Variants in WDR12 observed in about 807,000 individuals in gnomAD.
The protein encoded by WDR12 is WD repeat domain 12.
A neutral mutation model predicts 64.3 loss-of-function variants in WDR12; 42 were observed. The observed-to-expected ratio is 0.65, with a 90% CI of 0.51 to 0.84. The LOEUF (loss-of-function observed/expected upper bound fraction) is 0.84. Among genes scored for constraint, WDR12 ranks in the 40% least tolerant of loss-of-function variants. The pLI, the probability that WDR12 is intolerant of heterozygous loss-of-function variation, is 0.00. For missense variants in WDR12, 469 were observed against 494.6 expected, an observed-to-expected ratio of 0.95 and a Z score of 0.49; for synonymous variants, 158 against 173.3, an observed-to-expected ratio of 0.91 and a Z score of 0.70.
At chr2:202,906,739 C>G (rs1234101599) in intron 2 of WDR12, among the ~76,000 whole-genome samples, 1 of 152,160 alleles carries the variant, frequency 6.6e-6, no homozygotes, top group Admixed American at 6.5e-5. Flanking sequence ...TAGCGGGCAC[C>G]TGTAATTCCA....
chr2:202,899,032 G>GTTTTTTTTTTTTTT (rs779419072), intron 4 of WDR12, among the ~76,000 whole-genome samples: 3 of 73,652 alleles, frequency 4.1e-5, no homozygotes, highest in African/African-American at 1.6e-4. Context: ...AATACCTGTG[G>GTTTTTTTTTTTTTT]TTTTTTTTTT....
intron 8 of WDR12, among the ~76,000 whole-genome samples, chr2:202,885,872 C>G (rs936848623): frequency 2.6e-5 from 4 of 152,168 alleles, no homozygotes; most frequent in African/African-American, 9.6e-5. Context: ...ACAGCCTAGG[C>G]AACATAGTAA....
At chr2:202,898,626 G>A (rs1353048701) in intron 4 of WDR12, among the ~76,000 whole-genome samples, 1 of 152,180 alleles carries the variant, frequency 6.6e-6, no homozygotes, top group Non-Finnish European at 1.5e-5. Context: ...TTTGCCCTAA[G>A]ATATCTGTAC....
chr2:202,883,705 G>A lies in WDR12; in HGVS notation c.1025C>T (p.Thr342Ile). ...SLVSLSLTSH[T>I]GWVTSVKWSP... is the part of the protein sequence containing the mutation. ...CCATTTTACTGATGTCACCCAACCA[G>A]TATGTGACGTTAGGGACAGCGACAC... Residue 342 changes from threonine to isoleucine, a missense_variant, in exon 11 of 13, where the codon ACT (threonine) becomes ATT (isoleucine). Coordinates refer to ENST00000261015, the MANE Select transcript of WDR12 (RefSeq NM_018256.4). 1 of 1,613,938 alleles carries A rather than the reference G, an allele frequency of 6.2e-7. No individual in the cohort carries two copies. The highest frequency in any genetic ancestry group is 8.5e-7 in the Non-Finnish European group (1 of 1,179,866).
chr2:202,904,212 A>C (rs1688413205), intron 2 of WDR12, among the ~76,000 whole-genome samples: 1 of 151,706 alleles, frequency 6.6e-6, no homozygotes, highest in Non-Finnish European at 1.5e-5. Flanking sequence ...AAAAAATGGA[A>C]AGATATTCCA....
rs981019156 is a variant in WDR12, at chr2:202,878,141, T to C, written c.*2719A>G. On this transcript the variant is annotated 3_prime_UTR_variant, in exon 13 of 13. Coordinates refer to ENST00000261015, the MANE Select transcript of WDR12 (RefSeq NM_018256.4). ...CAAGGAAGAATGCCTGAACTATGAATGTATTCTGCTGTGGAACCAGGATTG... is the reference window on the plus strand; with the variant it reads ...CAAGGAAGAATGCCTGAACTATGAACGTATTCTGCTGTGGAACCAGGATTG... 6.6e-6 allele frequency: 1 copy of C among 152,186 alleles called. No homozygotes were observed. The highest frequency in any genetic ancestry group is 6.5e-5 in the Admixed American group (1 of 15,280). The allele number at this position is 152,186 out of a possible 1,614,324, so 9.4% of individuals were successfully genotyped here.
chr2:202,884,753 C>A (rs1245021879), intron 8 of WDR12, among the ~76,000 whole-genome samples: 1 of 152,202 alleles, frequency 6.6e-6, no homozygotes, highest in Admixed American at 6.5e-5. Flanking sequence ...GGTCATAGAG[C>A]TTATAAGTGG....
chr2:202,893,754 C>T (rs559829807), intron 7 of WDR12, among the ~76,000 whole-genome samples: 1 of 152,198 alleles, frequency 6.6e-6, no homozygotes, highest in Admixed American at 6.5e-5. Context: ...TTCCTCTTTT[C>T]TTCTCATCAG....
At chr2:202,902,794 T>C (rs921666696) in intron 2 of WDR12, among the ~76,000 whole-genome samples, 1 of 152,180 alleles carries the variant, frequency 6.6e-6, no homozygotes, top group African/African-American at 2.4e-5. Flanking sequence ...TGTGAGTCAA[T>C]ACTCCTTAAT....
Position 202,880,338 on chromosome 2 carries a change from A to T in WDR12, c.*522T>A, listed in dbSNP as rs1450967023. On this transcript the variant is annotated 3_prime_UTR_variant, in exon 13 of 13. Transcript: ENST00000261015. ...TGAGGTGGGCAGATCACCTGAGGTC[A>T]GGAGTTCAAGACCAGCCTGGCCAAC... 4 of 152,184 alleles carry T rather than the reference A, an allele frequency of 2.6e-5. No homozygotes were observed. The East Asian group carries it at 7.7e-4, about 29-fold the overall frequency. 9.4% of individuals were successfully genotyped at this position (152,184 alleles called of 1,614,324 possible).
chr2:202,878,850 TA>T lies in WDR12; in HGVS notation c.*2009del, dbSNP rs1306511293. On this transcript the variant is annotated 3_prime_UTR_variant, in exon 13 of 13. Transcript: ENST00000261015. The stretch of plus-strand genomic sequence containing the variant: ...AGTATCAATCCATTAATAATGGAAA[TA>T]ACATTTAAAAAATACATTTACTTTA... 6.6e-6 allele frequency: 1 copy of T among 152,212 alleles called. No homozygotes were observed. Among genetic ancestry groups the T allele is most frequent in the African/African-American group, 2.4e-5 (1 of 41,460 alleles). 9.4% of individuals were successfully genotyped at this position (152,212 alleles called of 1,614,324 possible). A position where few individuals can be genotyped will look rare whatever the true frequency, so the allele number is the denominator to read the frequency against.
chr2:202,882,272 T>A (rs949078683), intron 12 of WDR12, among the ~76,000 whole-genome samples: 1 of 152,120 alleles, frequency 6.6e-6, no homozygotes, highest in African/African-American at 2.4e-5. Flanking sequence ...AGAGGTGACA[T>A]TTTATAAATA....
At chr2:202,888,036 G>C (rs1574403783) in intron 8 of WDR12, among the ~76,000 whole-genome samples, 5 of 152,208 alleles carry the variant, frequency 3.3e-5, no homozygotes, top group African/African-American at 1.2e-4. Flanking sequence ...AATGTTGATA[G>C]TTTTACTTAT....
chr2:202,892,521 C>T, intron 8 of WDR12, 96 bp downstream of exon 8: 1 of 761,064 alleles, frequency 1.3e-6, no homozygotes, highest in Non-Finnish European at 2.1e-6. Flanking sequence ...CAAGGTAAGA[C>T]AGAAGGCAAC....
chr2:202,884,657 G>T, intron 8 of WDR12, 122 bp from the exon 9 acceptor site: 4 of 917,796 alleles, frequency 4.4e-6, no homozygotes, highest in South Asian at 1.9e-5. Context: ...TTCATATCCT[G>T]ACTTATTTCT....
intron 7 of WDR12, among the ~76,000 whole-genome samples, chr2:202,893,253 T>C (rs973382824): frequency 6.6e-6 from 1 of 152,130 alleles, no homozygotes. Context: ...TAATGTATGT[T>C]ACATTATATG....
chr2:202,892,303 A>G (rs1429345675), intron 8 of WDR12, among the ~76,000 whole-genome samples: 1 of 152,200 alleles, frequency 6.6e-6, no homozygotes, highest in African/African-American at 2.4e-5. Flanking sequence ...AGGTAATTAG[A>G]TGCTTCACTT....
chr2:202,887,925 G>A (rs922978565), intron 8 of WDR12, among the ~76,000 whole-genome samples: 7 of 149,602 alleles, frequency 4.7e-5, no homozygotes, highest in African/African-American at 7.3e-5. Flanking sequence ...AAAATGACAT[G>A]GTAAAAACAA....
At chr2:202,885,355 C>G (rs544012661) in intron 8 of WDR12, among the ~76,000 whole-genome samples, 4 of 152,202 alleles carry the variant, frequency 2.6e-5, no homozygotes, top group Non-Finnish European at 5.9e-5. Flanking sequence ...ACTGGTAAAA[C>G]TGCAGCCCAG....
Sources: gnomAD v4.1 joint callset for allele counts (sites outside exome capture counted in the v4.1 genomes callset) on GRCh38, gnomAD v4.1.1 for gene constraint, MANE v1.5 for transcripts, NCBI Gene and HGNC (gene_info 2026-07-23, HGNC 2026-07-21) for gene names.